Variants in DNM3 observed in about 807,000 individuals in gnomAD.
The protein encoded by DNM3 is dynamin-3.
DNM3 carries 47 observed loss-of-function variants against 101.6 expected under a neutral mutation model. That is an observed-to-expected ratio of 0.46 (90% CI 0.37 to 0.59). The LOEUF (loss-of-function observed/expected upper bound fraction) is 0.59. Among genes scored for constraint, DNM3 ranks in the 20% least tolerant of loss-of-function variants. The probability of loss-of-function intolerance (pLI) is 0.00; values close to 1 mark genes in which losing one functional copy is unlikely to be tolerated. For synonymous variants in DNM3, 385 were observed against 387.9 expected (o/e 0.99, Z 0.09); for missense variants, 849 against 1,085.7 (o/e 0.78, Z 3.06).
intron 2 of DNM3, among the ~76,000 whole-genome samples, chr1:171,974,479 G>C (rs959174550): frequency 6.6e-6 from 1 of 152,152 alleles, no homozygotes; most frequent in Non-Finnish European, 1.5e-5. Flanking sequence ...TTGTGAGAGA[G>C]TTTTCCATTA....
chr1:171,973,723 G>T (rs1316065756), intron 2 of DNM3, among the ~76,000 whole-genome samples: 3 of 151,404 alleles, frequency 2.0e-5, no homozygotes, highest in Admixed American at 2.0e-4. Flanking sequence ...CCAGGCTGGG[G>T]CATAATCTTG....
intron 14 of DNM3, among the ~76,000 whole-genome samples, chr1:172,150,216 G>A (rs577519608): frequency 6.6e-6 from 1 of 152,150 alleles, no homozygotes; most frequent in African/African-American, 2.4e-5. Context: ...GACCATATTA[G>A]AATACTTCTA....
At chr1:171,861,570 T>C (rs61808985) in intron 1 of DNM3, among the ~76,000 whole-genome samples, 19 of 152,056 alleles carry the variant, frequency 1.2e-4, no homozygotes, top group Non-Finnish European at 2.5e-4. Flanking sequence ...CTACCTCACA[T>C]CATATATACA....
chr1:172,098,241 G>A (rs373586885), intron 13 of DNM3, among the ~76,000 whole-genome samples: 136 of 151,992 alleles, frequency 8.9e-4, no homozygotes, highest in African/African-American at 3.0e-3. Flanking sequence ...AGCCACCCCC[G>A]AAGCGGCCAT....
chr1:171,980,767 A>ATTTTTTT (rs35033942), intron 2 of DNM3, among the ~76,000 whole-genome samples: 1 of 110,246 alleles, frequency 9.1e-6, no homozygotes, highest in African/African-American at 3.3e-5. Context: ...AAATCTACAG[A>ATTTTTTT]TTTTTTTTTT....
At chr1:172,133,413 C>T (rs990964321) in intron 14 of DNM3, 13 of 986,336 alleles carry the variant, frequency 1.3e-5, no homozygotes, top group African/African-American at 7.0e-5. Context: ...TGAATACTCC[C>T]GCTCTGTGTG....
At chr1:171,883,683 G>A (rs1228795174) in intron 1 of DNM3, among the ~76,000 whole-genome samples, 1 of 152,132 alleles carries the variant, frequency 6.6e-6, no homozygotes, top group African/African-American at 2.4e-5. Context: ...TGTTGGTCAG[G>A]CTGGTCTCGA....
intron 10 of DNM3, among the ~76,000 whole-genome samples, chr1:172,056,113 C>A (rs2125889929): frequency 6.6e-6 from 1 of 152,328 alleles, no homozygotes; most frequent in South Asian, 2.1e-4. Context: ...TCACTCCCAC[C>A]TGAATACTGT....
chr1:172,072,190 T>C (rs927360100), intron 11 of DNM3, among the ~76,000 whole-genome samples: 3 of 152,240 alleles, frequency 2.0e-5, no homozygotes, highest in Non-Finnish European at 4.4e-5. Context: ...ATTTGGAGTA[T>C]ACAATTTAAC....
At chr1:172,205,602 G>C (rs1201052874) in intron 14 of DNM3, among the ~76,000 whole-genome samples, 1 of 152,014 alleles carries the variant, frequency 6.6e-6, no homozygotes, top group African/African-American at 2.4e-5. Flanking sequence ...TTAGAAGAGT[G>C]ACATTGCTTT....
chr1:172,324,966 G>A (rs546236393), intron 17 of DNM3, among the ~76,000 whole-genome samples: 2 of 152,196 alleles, frequency 1.3e-5, no homozygotes, highest in Non-Finnish European at 2.9e-5. Context: ...CACTCAAGAA[G>A]CATTTAGGAT....
In DNM3 at chr1:172,409,033, G is replaced by A; in HGVS notation, c.*1192G>A. The A allele has an allele frequency of 2.0e-6, 2 of 985,326 alleles. No individual in the cohort carries two copies. Among genetic ancestry groups the A allele is most frequent in the African/African-American group, 1.7e-5 (1 of 57,340 alleles). 61.0% of individuals were successfully genotyped at this position (985,326 alleles called of 1,614,324 possible). A position where few individuals can be genotyped will look rare whatever the true frequency, so the allele number is the denominator to read the frequency against. ...AAACGTTGAAATCTAAAGCAAATTTGCAATTTCTTAAGATTTCTAAAATTT... is the reference window on the plus strand; with the variant it reads ...AAACGTTGAAATCTAAAGCAAATTTACAATTTCTTAAGATTTCTAAAATTT... On this transcript the variant is annotated 3_prime_UTR_variant, in exon 21 of 21. Coordinates refer to ENST00000627582, the MANE Select transcript of DNM3 (RefSeq NM_015569.5).
In DNM3 at chr1:171,865,999, G is replaced by A. The variant is rs75637774; in HGVS notation, c.161+24182G>A. Among the ~76,000 whole-genome samples, 218 of 152,176 alleles carry A rather than the reference G, an allele frequency of 1.4e-3. 1 individual carries two copies. The highest frequency in any genetic ancestry group is 5.0e-3 in the African/African-American group (209 of 41,520). On this transcript the variant is annotated intron_variant, in intron 1 of 20. Transcript: ENST00000627582. The stretch of plus-strand genomic sequence containing the variant: ...ATTCTCTTAATCAACAAACCTTGAA[G>A]CTTTCATATTGCCTTCATCTTTCCT...
At chr1:172,267,110 G>A (rs2062891146) in intron 15 of DNM3, among the ~76,000 whole-genome samples, 1 of 152,134 alleles carries the variant, frequency 6.6e-6, no homozygotes, top group Non-Finnish European at 1.5e-5. Context: ...CTTCCTTCTG[G>A]TTTTAACACA....
intron 20 of DNM3, among the ~76,000 whole-genome samples, chr1:172,392,485 A>G (rs561326601): frequency 1.3e-5 from 2 of 152,296 alleles, no homozygotes; most frequent in East Asian, 1.9e-4. Context: ...TAGGGTTCCT[A>G]TTCTCTTAAT....
chr1:171,991,955 A>G (rs2125632714), intron 4 of DNM3, among the ~76,000 whole-genome samples: 1 of 152,318 alleles, frequency 6.6e-6, no homozygotes, highest in South Asian at 2.1e-4. Flanking sequence ...ACCTTGGTTC[A>G]GCCTCTTTGA....
At chr1:171,961,288 G>A (rs115242870) in intron 2 of DNM3, among the ~76,000 whole-genome samples, 2 of 152,208 alleles carry the variant, frequency 1.3e-5, no homozygotes, top group East Asian at 3.9e-4. Context: ...GAGGGCGGAA[G>A]GACATGAAAG....
At chr1:172,306,723 C>T (rs981302647) in intron 15 of DNM3, among the ~76,000 whole-genome samples, 13 of 152,152 alleles carry the variant, frequency 8.5e-5, no homozygotes, top group Non-Finnish European at 1.9e-4. Context: ...AGCAATAACA[C>T]CACACATCTA....
intron 2 of DNM3, among the ~76,000 whole-genome samples, chr1:171,927,360 A>C (rs1043148338): frequency 6.6e-6 from 1 of 151,844 alleles, no homozygotes; most frequent in Non-Finnish European, 1.5e-5. Context: ...CAGTAAGCCC[A>C]GTGCTCAAGT....
Sources: gnomAD v4.1 joint callset for allele counts (sites outside exome capture counted in the v4.1 genomes callset) on GRCh38, gnomAD v4.1.1 for gene constraint, MANE v1.5 for transcripts, NCBI Gene and HGNC (gene_info 2026-07-23, HGNC 2026-07-21) for gene names.